SPOCK1: variants seen among roughly 807,000 people sequenced by gnomAD.
SPOCK1 encodes the protein SPARC (osteonectin), cwcv and kazal like domains proteoglycan 1.
In SPOCK1, 23 loss-of-function variants were observed where a neutral mutation model predicts 55.3. The ratio of observed to expected loss-of-function variants is 0.42; its 90% CI spans 0.30 to 0.59. The LOEUF is 0.59. Among genes scored for constraint, SPOCK1 ranks in the 20% least tolerant of loss-of-function variants. The pLI is 0.22. For synonymous variants in SPOCK1, 226 were observed against 221.0 expected (o/e 1.02, Z -0.20); for missense variants, 499 against 552.5 (o/e 0.90, Z 0.97).
chr5:137,037,783 G>C (rs1222339148), intron 6 of SPOCK1, among the ~76,000 whole-genome samples: 5 of 152,330 alleles, frequency 3.3e-5, no homozygotes, highest in African/African-American at 1.2e-4. Context: ...AGAAACTCCA[G>C]TTGCTTACCC....
intron 2 of SPOCK1, among the ~76,000 whole-genome samples, chr5:137,386,984 A>T (rs1490508153): frequency 6.6e-6 from 1 of 152,220 alleles, no homozygotes; most frequent in African/African-American, 2.4e-5. Flanking sequence ...AACTTGATTT[A>T]AAAAAATAAG....
At chr5:137,082,886 C>T (rs111749813) in intron 5 of SPOCK1, among the ~76,000 whole-genome samples, 1 of 152,184 alleles carries the variant, frequency 6.6e-6, no homozygotes, top group Non-Finnish European at 1.5e-5. Context: ...TACTAAGTTT[C>T]CACTTGCATA....
chr5:137,039,157 C>A (rs988633991), intron 6 of SPOCK1, among the ~76,000 whole-genome samples: 18 of 151,774 alleles, frequency 1.2e-4, no homozygotes, highest in African/African-American at 4.1e-4. Context: ...TTCTTATTTC[C>A]ATTCTTCCAA....
chr5:137,010,120 A>G (rs1306454901), intron 6 of SPOCK1, among the ~76,000 whole-genome samples: 1 of 151,964 alleles, frequency 6.6e-6, no homozygotes, highest in Non-Finnish European at 1.5e-5. Context: ...CCATATCACA[A>G]CCTGCTGTCT....
chr5:137,123,147 G>A (rs140935103), intron 4 of SPOCK1, among the ~76,000 whole-genome samples: 75 of 152,290 alleles, frequency 4.9e-4, no homozygotes, highest in Non-Finnish European at 7.8e-4. Flanking sequence ...AGCCAGATCC[G>A]CACCATTACT....
At chr5:137,191,436 C>G (rs547449247) in intron 3 of SPOCK1, among the ~76,000 whole-genome samples, 1 of 151,742 alleles carries the variant, frequency 6.6e-6, no homozygotes, top group Non-Finnish European at 1.5e-5. Flanking sequence ...TCAGTAGACT[C>G]TAAGACACAA....
chr5:137,293,089 A>ATTTTTTTTTTTT (rs531537488), intron 2 of SPOCK1, among the ~76,000 whole-genome samples: 1 of 100,824 alleles, frequency 9.9e-6, no homozygotes, highest in African/African-American at 4.1e-5. Flanking sequence ...GGTTTGTTGA[A>ATTTTTTTTTTTT]TTTTTTTTTT....
chr5:137,084,261 C>T (rs937422993), intron 5 of SPOCK1, among the ~76,000 whole-genome samples: 2 of 151,986 alleles, frequency 1.3e-5, no homozygotes, highest in Middle Eastern at 3.4e-3. Flanking sequence ...TAAATTCCAT[C>T]CCCACAAGCT....
intron 2 of SPOCK1, among the ~76,000 whole-genome samples, chr5:137,437,138 T>C (rs1580926742): frequency 6.6e-6 from 1 of 152,210 alleles, no homozygotes; most frequent in Non-Finnish European, 1.5e-5. Flanking sequence ...CACAACTACC[T>C]CTGATAGTTC....
chr5:137,102,631 A>G (rs1332397092), intron 5 of SPOCK1, among the ~76,000 whole-genome samples: 2 of 152,118 alleles, frequency 1.3e-5, no homozygotes, highest in African/African-American at 4.8e-5. Flanking sequence ...TACTTTTCAG[A>G]TGGTTTTTCA....
At chr5:137,334,040 G>A (rs1003563396) in intron 2 of SPOCK1, among the ~76,000 whole-genome samples, 1 of 152,172 alleles carries the variant, frequency 6.6e-6, no homozygotes, top group Non-Finnish European at 1.5e-5. Flanking sequence ...AGATCCCCAT[G>A]GAGTCCTATT....
intron 4 of SPOCK1, among the ~76,000 whole-genome samples, chr5:137,112,782 G>A (rs1269768300): frequency 1.4e-5 from 2 of 144,662 alleles, no homozygotes; most frequent in Admixed American, 7.2e-5. Flanking sequence ...ATGGACTGAG[G>A]AAAACAATGT....
intron 3 of SPOCK1, among the ~76,000 whole-genome samples, chr5:137,234,359 CCTT>C (rs1311186585): frequency 1.3e-5 from 2 of 152,170 alleles, no homozygotes; most frequent in African/African-American, 4.8e-5. Context: ...GCCTGGGCCA[CCTT>C]CTCCTGTTGG....
intron 3 of SPOCK1, among the ~76,000 whole-genome samples, chr5:137,190,936 G>A (rs1359154837): frequency 1.3e-5 from 2 of 152,170 alleles, no homozygotes; most frequent in African/African-American, 4.8e-5. Context: ...TCATTTTGAG[G>A]TCCACCTGTT....
intron 3 of SPOCK1, among the ~76,000 whole-genome samples, chr5:137,223,214 C>A (rs1176223199): frequency 6.6e-6 from 1 of 150,696 alleles, no homozygotes; most frequent in Non-Finnish European, 1.5e-5. Flanking sequence ...ACTTTTCTCC[C>A]AATCATGATA....
intron 4 of SPOCK1, among the ~76,000 whole-genome samples, chr5:137,130,420 A>T (rs1294282098): frequency 1.3e-5 from 2 of 152,228 alleles, no homozygotes; most frequent in Non-Finnish European, 2.9e-5. Flanking sequence ...ACTCCAACTT[A>T]GTGGGATCTG....
chr5:137,332,335 G>A (rs1232439874), intron 2 of SPOCK1, among the ~76,000 whole-genome samples: 3 of 152,154 alleles, frequency 2.0e-5, no homozygotes, highest in African/African-American at 7.2e-5. Context: ...GTGCCTCACA[G>A]TAATATCACA....
intron 3 of SPOCK1, among the ~76,000 whole-genome samples, chr5:137,157,472 A>G (rs1290028724): frequency 6.6e-6 from 1 of 152,006 alleles, no homozygotes; most frequent in Non-Finnish European, 1.5e-5. Context: ...TTTTTCTTTC[A>G]GTCTTAAGTG....
chr5:137,485,033 G>A (rs541856066), intron 2 of SPOCK1, among the ~76,000 whole-genome samples: 5 of 152,218 alleles, frequency 3.3e-5, no homozygotes, highest in African/African-American at 1.2e-4. Flanking sequence ...GTCTACTGGA[G>A]GCAAATAGAT....
Sources: gnomAD v4.1 joint callset for allele counts (sites outside exome capture counted in the v4.1 genomes callset) on GRCh38, gnomAD v4.1.1 for gene constraint, MANE v1.5 for transcripts, NCBI Gene and HGNC (gene_info 2026-07-23, HGNC 2026-07-21) for gene names.